Variants in ZFHX3 observed in about 807,000 individuals in gnomAD.
ZFHX3 encodes the protein zinc finger homeobox protein 3.
ZFHX3 carries 42 observed loss-of-function variants against 279.1 expected under a neutral mutation model. That is an observed-to-expected ratio of 0.15 (90% CI 0.12 to 0.19). The LOEUF (loss-of-function observed/expected upper bound fraction) is 0.19, where lower values mean the gene tolerates loss of function less well. Ranked by LOEUF, ZFHX3 falls within the 10% of genes least tolerant of loss-of-function variation. The pLI is 1.00. For synonymous variants in ZFHX3, 2,293 were observed against 1,957.8 expected (o/e 1.17, Z -4.52); for missense variants, 4,981 against 4,754.0 (o/e 1.05, Z -1.40).
At chr16:73,085,940 G>C (rs1427190941) in intron 8 of ZFHX3, among the ~76,000 whole-genome samples, 1 of 116,140 alleles carries the variant, frequency 8.6e-6, no homozygotes, top group Non-Finnish European at 1.7e-5. Flanking sequence ...CATCTGACAA[G>C]AGATCAGTAA....
intron 4 of ZFHX3, among the ~76,000 whole-genome samples, chr16:72,840,698 G>A (rs1216370971): frequency 6.6e-6 from 1 of 152,176 alleles, no homozygotes; most frequent in Non-Finnish European, 1.5e-5. Context: ...AACCTATTCA[G>A]AAAACAGCTT....
Position 73,838,787 on chromosome 16 carries a change from T to TGC in ZFHX3, c.-1608+52863_-1608+52864insGC, listed in dbSNP as rs1555504401. On this transcript the variant is annotated intron_variant, in intron 1 of 17. Coordinates refer to the ZFHX3 transcript ENST00000641206. ...CTGTGTGTGTGTGTGTGTGTGTGTG[T>TGC]GTGCGTGCGCGCACGCATGTATGGT... Among the ~76,000 whole-genome samples the TGC allele has an allele frequency of 5.4e-3, 799 of 149,116 alleles. 16 individuals are homozygous for TGC. Among genetic ancestry groups the TGC allele is most frequent in the African/African-American group, 0.02 (768 of 39,374 alleles).
intron 3 of ZFHX3, among the ~76,000 whole-genome samples, chr16:73,380,068 A>G (rs2016793528): frequency 6.6e-6 from 1 of 152,214 alleles, no homozygotes; most frequent in South Asian, 2.1e-4. Context: ...AGCACAAGAG[A>G]AAGCAAAAGT....
chr16:73,170,779 TGTCA>T (rs893860022), intron 5 of ZFHX3, among the ~76,000 whole-genome samples: 5 of 152,118 alleles, frequency 3.3e-5, no homozygotes, highest in African/African-American at 9.7e-5. Flanking sequence ...CCCCAGGAAG[TGTCA>T]GTCAGAGATT....
At position 72,950,497 on chromosome 16, in the gene ZFHX3, C is replaced by G; in HGVS notation, c.3188G>C (p.Arg1063Thr). ...GTACAACTTCAGGCTGGCCTCGTGC[C>G]TGGAGTTGACCGTGTGCAGCCGCAG... ...EKLRLHTVNS[R>T]HEASLKLYKH... is the part of the protein sequence containing the mutation. Residue 1063 changes from arginine to threonine, a missense_variant, in exon 3 of 10, where the codon AGG (arginine) becomes ACG (threonine). By Grantham distance (71) the Arg-to-Thr change is moderately conservative (BLOSUM62 -1). Coordinates refer to ENST00000268489, the MANE Select transcript of ZFHX3 (RefSeq NM_006885.4). The G allele has an allele frequency of 1.2e-6, 2 of 1,614,154 alleles. No individual in the cohort carries two copies. Among genetic ancestry groups the G allele is most frequent in the Non-Finnish European group, 1.7e-6 (2 of 1,179,940 alleles).
At chr16:73,327,602 A>C (rs918811048) in intron 3 of ZFHX3, among the ~76,000 whole-genome samples, 2 of 152,204 alleles carry the variant, frequency 1.3e-5, no homozygotes, top group African/African-American at 2.4e-5. Flanking sequence ...GATAACCTAA[A>C]TTGGACTTCA....
At chr16:72,927,690 G>C (rs1366953568) in intron 3 of ZFHX3, among the ~76,000 whole-genome samples, 2 of 151,964 alleles carry the variant, frequency 1.3e-5, no homozygotes, top group African/African-American at 2.4e-5. Flanking sequence ...GAGCCGCCCG[G>C]GGGAGCTGCA....
Position 72,950,726 on chromosome 16 carries a change from T to C in ZFHX3, c.2959A>G (p.Lys987Glu), listed in dbSNP as rs997125577. The C allele has an allele frequency of 6.2e-7, 1 of 1,614,224 alleles. No individual in the cohort carries two copies. The highest frequency in any genetic ancestry group is 1.1e-5 in the South Asian group (1 of 91,080). The change falls in exon 3 of 10, where the codon AAG becomes GAG. Residue 987 changes from lysine to glutamate, a missense_variant. Around this residue, in one of 7 missense-constraint regions of ZFHX3, gnomAD observed 1,751 missense variants for 1,770.0 expected, o/e 0.99. Transcript: ENST00000268489. ...KAVMGDSYQC[K>E]LCRYNTQLKA... is the part of the protein sequence containing the mutation. ...AGCTGGGTGTTGTAGCGGCAGAGCT[T>C]GCACTGGTATGAGTCCCCCATCACC...
At chr16:72,872,627 T>G (rs1391013876) in intron 4 of ZFHX3, among the ~76,000 whole-genome samples, 1 of 152,050 alleles carries the variant, frequency 6.6e-6, no homozygotes, top group East Asian at 1.9e-4. Context: ...CTGGCTAATT[T>G]TTTGTATTTT....
intron 7 of ZFHX3, among the ~76,000 whole-genome samples, chr16:72,803,440 T>A (rs1341071094): frequency 6.6e-6 from 1 of 152,148 alleles, no homozygotes; most frequent in Non-Finnish European, 1.5e-5. Flanking sequence ...CAAAACCTGG[T>A]TGTAGCATAA....
At chr16:73,105,457 A>ATACACACACATATATATATATATATTT (rs1555498948) in intron 7 of ZFHX3, among the ~76,000 whole-genome samples, 3 of 120,456 alleles carry the variant, frequency 2.5e-5, no homozygotes, top group Non-Finnish European at 5.0e-5. Context: ...ATATATATAT[A>ATACACACACATATATATATATATATTT]TTTTTTCCCC....
chr16:73,867,941 G>A (rs935534672), intron 1 of ZFHX3, among the ~76,000 whole-genome samples: 1 of 152,166 alleles, frequency 6.6e-6, no homozygotes, highest in Non-Finnish European at 1.5e-5. Context: ...TCTTTCATCA[G>A]AGCAGCAATG....
chr16:73,510,815 C>T (rs2019415634), intron 2 of ZFHX3, among the ~76,000 whole-genome samples: 3 of 152,242 alleles, frequency 2.0e-5, no homozygotes, highest in Non-Finnish European at 4.4e-5. Context: ...GCCAACTTCT[C>T]CCTAAGTCCA....
chr16:73,836,909 C>T (rs1444047862), intron 1 of ZFHX3, among the ~76,000 whole-genome samples: 2 of 152,230 alleles, frequency 1.3e-5, no homozygotes, highest in Non-Finnish European at 2.9e-5. Context: ...CTCTCATCTT[C>T]TGCCTCCTTG....
chr16:72,878,487 C>T (rs1033125796), intron 4 of ZFHX3, among the ~76,000 whole-genome samples: 1 of 152,220 alleles, frequency 6.6e-6, no homozygotes, highest in African/African-American at 2.4e-5. Context: ...TCACAAAGGG[C>T]TTTGGACATT....
At chr16:73,457,995 T>C (rs1478163516) in intron 2 of ZFHX3, among the ~76,000 whole-genome samples, 2 of 152,102 alleles carry the variant, frequency 1.3e-5, no homozygotes, top group Non-Finnish European at 2.9e-5. Context: ...CTCCAGCACT[T>C]TATAGGTGCT....
rs545386416 is a variant in ZFHX3 at position 73,468,690 on chromosome 16, T to C, written c.-1546-12432A>G. On this transcript the variant is annotated intron_variant, in intron 2 of 17. Coordinates refer to the ZFHX3 transcript ENST00000641206. Reference sequence around the variant, plus strand: ...AGGCAGACATTGCAGTGAGCCGAGATTGCACCACTGCACAAAGAAAAAATT... The same window carrying C: ...AGGCAGACATTGCAGTGAGCCGAGACTGCACCACTGCACAAAGAAAAAATT... Among the ~76,000 whole-genome samples, 162 of 152,192 alleles carry C rather than the reference T, an allele frequency of 1.1e-3. 1 individual carries two copies. The highest frequency in any genetic ancestry group is 3.6e-3 in the African/African-American group (150 of 41,528).
At chr16:73,568,879 G>A (rs1201691326) in intron 2 of ZFHX3, among the ~76,000 whole-genome samples, 1 of 151,996 alleles carries the variant, frequency 6.6e-6, no homozygotes, top group Non-Finnish European at 1.5e-5. Flanking sequence ...GTCCGGCTCC[G>A]ACAGACAGCC....
chr16:73,730,950 G>A (rs1249579562), intron 1 of ZFHX3, among the ~76,000 whole-genome samples: 1 of 152,166 alleles, frequency 6.6e-6, no homozygotes, highest in South Asian at 2.1e-4. Flanking sequence ...TCTTCGAGAG[G>A]AAAGACAGCC....
Sources: gnomAD v4.1 joint callset for allele counts (sites outside exome capture counted in the v4.1 genomes callset) on GRCh38, gnomAD v4.1.1 for gene constraint, gnomAD v4.1.1 regional missense constraint, MANE v1.5 for transcripts, NCBI Gene and HGNC (gene_info 2026-07-23, HGNC 2026-07-21) for gene names.